The following CSMD3 variants were observed in gnomAD, a reference collection of about 807,000 sequenced individuals.
The protein encoded by CSMD3 is CUB and sushi domain-containing protein 3.
In CSMD3, 177 loss-of-function variants were observed where a neutral mutation model predicts 435.2. The observed-to-expected ratio is 0.41, with a 90% CI of 0.36 to 0.46. CSMD3 has a LOEUF of 0.46. Ranked by LOEUF, CSMD3 falls within the 20% of genes least tolerant of loss-of-function variation. CSMD3 has a pLI of 0.34. For synonymous variants in CSMD3, 1,656 were observed against 1,520.5 expected, an observed-to-expected ratio of 1.09 and a Z score of -2.07; for missense variants, 4,265 against 4,504.6, an observed-to-expected ratio of 0.95 and a Z score of 1.52.
intron 50 of CSMD3, 135 bp downstream of exon 50, chr8:112,310,843 T>A (rs778166450): frequency 1.3e-6 from 1 of 754,758 alleles, no homozygotes; most frequent in Non-Finnish European, 2.3e-6. Flanking sequence ...TGTTATGCCT[T>A]GTTTTTATGA....
chr8:112,280,284 C>A lies in CSMD3; in HGVS notation c.9508+890G>T, dbSNP rs1818498384. ...ATGAACACACAGTCTAAACAATTTT[C>A]TTTTGAGACAGGGTCTCACTCTGTC... On this transcript the variant is annotated intron_variant, in intron 59 of 70. Coordinates refer to ENST00000297405, the MANE Select transcript of CSMD3 (RefSeq NM_198123.2). Among the ~76,000 whole-genome samples the A allele has an allele frequency of 2.6e-5, 4 of 152,012 alleles. No homozygotes were observed. The South Asian group carries it at 8.3e-4, about 32-fold the overall frequency.
intron 13 of CSMD3, among the ~76,000 whole-genome samples, chr8:112,766,694 AG>A (rs2077987667): frequency 1.3e-5 from 2 of 151,834 alleles, no homozygotes; most frequent in Non-Finnish European, 2.9e-5. Context: ...AGGGGTAGAA[AG>A]GCTGATTTCC....
At chr8:112,443,500 G>A (rs1345545103) in intron 32 of CSMD3, among the ~76,000 whole-genome samples, 1 of 152,056 alleles carries the variant, frequency 6.6e-6, no homozygotes, top group African/African-American at 2.4e-5. Context: ...CAAGAAAAGA[G>A]TAAAATATTT....
At chr8:112,402,635 T>C (rs1195988391) in intron 35 of CSMD3, among the ~76,000 whole-genome samples, 16 of 152,096 alleles carry the variant, frequency 1.1e-4, no homozygotes. Context: ...CCTACATAAA[T>C]ATATTAAAAG....
At chr8:113,082,032 C>T (rs1225496575) in intron 5 of CSMD3, among the ~76,000 whole-genome samples, 4 of 152,278 alleles carry the variant, frequency 2.6e-5, no homozygotes, top group South Asian at 2.1e-4. Context: ...ATCACTCCCA[C>T]CCTGACCATC....
At chr8:112,981,908 A>G (rs2085066236) in intron 6 of CSMD3, among the ~76,000 whole-genome samples, 1 of 151,852 alleles carries the variant, frequency 6.6e-6, no homozygotes, top group African/African-American at 2.4e-5. Context: ...AAATGTATGA[A>G]TGTTATATTA....
At chr8:113,223,754 GTGTGTGTA>G (rs1395374042) in intron 3 of CSMD3, among the ~76,000 whole-genome samples, 366 of 122,358 alleles carry the variant, frequency 3.0e-3, no homozygotes, top group African/African-American at 0.012. Flanking sequence ...GTGTGTTTAT[GTGTGTGTA>G]TGTGTGTGTG....
At chr8:113,040,844 A>G (rs1587947760) in intron 5 of CSMD3, among the ~76,000 whole-genome samples, 1 of 152,142 alleles carries the variant, frequency 6.6e-6, no homozygotes, top group African/African-American at 2.4e-5. Flanking sequence ...TAAATAGAAG[A>G]CCAATAACTT....
chr8:113,035,074 G>GA (rs944946995), intron 5 of CSMD3, among the ~76,000 whole-genome samples: 25 of 151,376 alleles, frequency 1.7e-4, no homozygotes, highest in African/African-American at 5.8e-4. Flanking sequence ...TAAGAAGAGA[G>GA]AAAAAAGAAA....
intron 22 of CSMD3, among the ~76,000 whole-genome samples, chr8:112,632,796 C>T (rs67795609): frequency 0.24 from 36,407 of 151,486 alleles, 4,699 homozygotes; most frequent in African/African-American, 0.33. Context: ...ATCAACTTAC[C>T]GGTAGTTTTT....
At chr8:113,269,863 G>C (rs911169390) in intron 3 of CSMD3, among the ~76,000 whole-genome samples, 3 of 151,808 alleles carry the variant, frequency 2.0e-5, no homozygotes, top group Non-Finnish European at 4.4e-5. Context: ...AAAAACCCTA[G>C]AAGAAAACCT....
intron 45 of CSMD3, among the ~76,000 whole-genome samples, chr8:112,322,655 A>G: frequency 6.6e-6 from 1 of 151,944 alleles, no homozygotes; most frequent in Non-Finnish European, 1.5e-5. Flanking sequence ...TCAATTCCCA[A>G]TTCTATATTG....
chr8:112,968,523 C>A (rs558512706), intron 7 of CSMD3, among the ~76,000 whole-genome samples: 1 of 151,278 alleles, frequency 6.6e-6, no homozygotes, highest in African/African-American at 2.4e-5. Context: ...TTTGCACTGT[C>A]TTATGGTTCC....
chr8:113,305,350 G>T (rs979600501), intron 2 of CSMD3, among the ~76,000 whole-genome samples: 1 of 152,024 alleles, frequency 6.6e-6, no homozygotes, highest in African/African-American at 2.4e-5. Flanking sequence ...TTTATGGAGC[G>T]TGAGTTTCAC....
chr8:113,041,123 T>C (rs1420161201), intron 5 of CSMD3, among the ~76,000 whole-genome samples: 1 of 148,042 alleles, frequency 6.8e-6, no homozygotes, highest in African/African-American at 2.5e-5. Flanking sequence ...GGGGAATTAA[T>C]TGAACCAGGG....
At chr8:112,461,004 T>C (rs924714666) in intron 32 of CSMD3, among the ~76,000 whole-genome samples, 2 of 152,128 alleles carry the variant, frequency 1.3e-5, no homozygotes, top group African/African-American at 2.4e-5. Flanking sequence ...TGAAATATAA[T>C]TTATTGAGTT....
At chr8:112,928,715 C>T (rs1302830142) in intron 9 of CSMD3, among the ~76,000 whole-genome samples, 1 of 149,916 alleles carries the variant, frequency 6.7e-6, no homozygotes, top group Non-Finnish European at 1.5e-5. Flanking sequence ...GGTTCCAAGT[C>T]TTTGCTATTG....
chr8:113,202,089 A>G (rs1460895098), intron 3 of CSMD3, among the ~76,000 whole-genome samples: 5 of 152,244 alleles, frequency 3.3e-5, no homozygotes, highest in African/African-American at 1.2e-4. Context: ...ATTTACTGGA[A>G]GCATGCCAAA....
chr8:112,236,466 G>A (rs1813608160), intron 67 of CSMD3, among the ~76,000 whole-genome samples: 1 of 151,948 alleles, frequency 6.6e-6, no homozygotes, highest in Non-Finnish European at 1.5e-5. Flanking sequence ...TTAGAATATA[G>A]ACACATAATG....
Sources: gnomAD v4.1 joint callset for allele counts (sites outside exome capture counted in the v4.1 genomes callset) on GRCh38, gnomAD v4.1.1 for gene constraint, MANE v1.5 for transcripts, NCBI Gene and HGNC (gene_info 2026-07-23, HGNC 2026-07-21) for gene names.